The following MED24 variants were observed in gnomAD, a reference collection of about 807,000 sequenced individuals.
The protein encoded by MED24 is mediator complex subunit 24, also known as mediator of RNA polymerase II transcription subunit 24.
A neutral mutation model predicts 118.8 loss-of-function variants in MED24; 74 were observed. The observed-to-expected ratio is 0.62, with a 90% confidence interval of 0.52 to 0.76. The LOEUF (loss-of-function observed/expected upper bound fraction) is 0.76. Ranked by LOEUF, MED24 falls within the 30% of genes least tolerant of loss-of-function variation. The pLI is 0.00. For missense variants in MED24, 1,041 were observed against 1,278.9 expected, an observed-to-expected ratio of 0.81 and a Z score of 2.84; for synonymous variants, 521 against 523.9, an observed-to-expected ratio of 0.99 and a Z score of 0.08.
intron 14 of MED24, among the ~76,000 whole-genome samples, chr17:40,028,570 G>A (rs945167077): frequency 6.6e-6 from 1 of 152,162 alleles, no homozygotes; most frequent in African/African-American, 2.4e-5. Flanking sequence ...ATTCCTCCAT[G>A]CCCAATGTTC....
chr17:40,027,480 G>T lies in MED24; in HGVS notation c.1448-15C>A. 1 of 1,604,760 alleles carries T rather than the reference G, an allele frequency of 6.2e-7. No individual in the cohort carries two copies. The highest frequency in any genetic ancestry group is 8.5e-7 in the Non-Finnish European group (1 of 1,175,392). On this transcript the variant is annotated splice_polypyrimidine_tract_variant and intron_variant, in intron 15 of 25. Coordinates refer to ENST00000394128, the MANE Select transcript of MED24 (RefSeq NM_014815.4). ...GGCCGGTTTGGCTGTGGAAGGACGGGAAGGCTGAGCTCCCAGACGAGGGCA... is the reference window on the plus strand; with the variant it reads ...GGCCGGTTTGGCTGTGGAAGGACGGTAAGGCTGAGCTCCCAGACGAGGGCA...
chr17:40,028,039 G>C (rs1982910409), intron 14 of MED24, 93 bp from the exon 15 acceptor site: 1 of 1,282,346 alleles, frequency 7.8e-7, no homozygotes. Flanking sequence ...GCGATAGCTA[G>C]AGTCTGAGTT....
rs1982257569 is a variant in MED24 at position 40,023,291 on chromosome 17, T to C, written c.2090A>G (p.Tyr697Cys). The C allele has an allele frequency of 6.2e-7, 1 of 1,614,112 alleles. No homozygotes were observed. Among genetic ancestry groups the C allele is most frequent in the Non-Finnish European group, 8.5e-7 (1 of 1,179,998 alleles). ...CCGCTTGGGGGGCAGCAGGTTCCAG[T>C]AGGGCATTGTGTCCACCCCGGTGGA... is the stretch of plus-strand genomic sequence containing the variant. The part of the protein sequence containing the change: ...FPSTGVDTMP[Y>C]WNLLPPKRPI... The change falls in exon 20 of 26, where the codon TAC (tyrosine) becomes TGC (cysteine). Residue 697 changes from tyrosine to cysteine, a missense_variant. Physicochemically the swap from Tyr to Cys is radical, Grantham distance 194. Around this residue, in one of 3 missense-constraint regions of MED24, gnomAD observed 587 missense variants for 694.4 expected, o/e 0.85. Transcript: ENST00000394128.
At chr17:40,032,250 G>T (rs1194974840) in intron 9 of MED24, 160 bp from the exon 10 acceptor site, 3 of 800,858 alleles carry the variant, frequency 3.7e-6, no homozygotes, top group Non-Finnish European at 5.9e-6. Flanking sequence ...AAAGCCAATA[G>T]GTGCCCAGGC....
chr17:40,019,616 C>T lies in MED24; in HGVS notation c.2883G>A (p.Met961Ile). ...TGGCCAGAACCACCTTGGGGCTGGA[C>T]ATGGCTGACACCTTCACCAGTTCCG... ...TVSELVKVSAMSSPKVVLAIT... is the reference protein window; with the variant it reads ...TVSELVKVSAISSPKVVLAIT... Residue 961 changes from methionine to isoleucine, a missense_variant, in exon 26 of 26, where the codon ATG (methionine) becomes ATA (isoleucine). This residue lies in a region of MED24 where 587 missense variants were observed against 694.4 expected (regional missense o/e 0.85). Transcript: ENST00000394128. The T allele has an allele frequency of 6.2e-7, 1 of 1,604,540 alleles. No homozygotes were observed.
chr17:40,020,413 C>T (rs1981828031), intron 23 of MED24, 60 bp from the exon 24 acceptor site: 7 of 1,554,186 alleles, frequency 4.5e-6, no homozygotes, highest in Non-Finnish European at 6.1e-6. Flanking sequence ...AAGTGGTGCT[C>T]CCCGGGGATG....
In MED24 at chr17:40,027,652, C is replaced by G. The variant is rs929618921; in HGVS notation, c.1448-187G>C. ...CATCCCTTCCTTGAGACCAAAGACC[C>G]CCAGCACCCTCTCCTGGCATACCTA... On this transcript the variant is annotated intron_variant, in intron 15 of 25. Transcript: ENST00000394128. 4 of 672,874 alleles carry G rather than the reference C, an allele frequency of 5.9e-6. No homozygotes were observed. In the African/African-American group the frequency reaches 7.2e-5, roughly 12 times the overall value. 41.7% of individuals were successfully genotyped at this position (672,874 alleles called of 1,614,324 possible).
chr17:40,037,374 G>C (rs1568168503), intron 3 of MED24, among the ~76,000 whole-genome samples: 1 of 152,072 alleles, frequency 6.6e-6, no homozygotes, highest in Admixed American at 6.6e-5. Context: ...CCCTTCCTCT[G>C]TGCTCCAAGT....
At chr17:40,031,672 TC>T (rs1983396613) in intron 10 of MED24, 52 bp from the exon 11 acceptor site, 1 of 1,526,098 alleles carries the variant, frequency 6.6e-7, no homozygotes, top group Non-Finnish European at 9.1e-7. Context: ...CAGGCCCTGA[TC>T]ATCTCAGGCA....
chr17:40,031,103 G>A (rs1031062581), intron 12 of MED24, 56 bp downstream of exon 12: 16 of 1,504,222 alleles, frequency 1.1e-5, no homozygotes, highest in Middle Eastern at 1.7e-4. Context: ...CAGCCCCACC[G>A]TAACAAGAGA....
intron 3 of MED24, among the ~76,000 whole-genome samples, chr17:40,047,665 AAAAAAAAC>A (rs936998666): frequency 6.6e-6 from 1 of 150,564 alleles, no homozygotes; most frequent in Non-Finnish European, 1.5e-5. Context: ...CCATCTCATA[AAAAAAAAC>A]AAAAAAACAA....
intron 19 of MED24, among the ~76,000 whole-genome samples, chr17:40,025,850 C>T (rs1012684630): frequency 4.6e-5 from 7 of 152,250 alleles, no homozygotes; most frequent in South Asian, 4.2e-4. Context: ...GTTCCTAGCT[C>T]CTAGACAGTC....
intron 19 of MED24, among the ~76,000 whole-genome samples, chr17:40,024,893 T>A (rs750721981): frequency 1.3e-5 from 2 of 151,882 alleles, no homozygotes; most frequent in Non-Finnish European, 2.9e-5. Flanking sequence ...CTGCCACCAC[T>A]CCCTGCTCAT....
At chr17:40,032,993 T>C in intron 8 of MED24, 63 bp downstream of exon 8, 1 of 1,595,354 alleles carries the variant, frequency 6.3e-7, no homozygotes, top group African/African-American at 1.3e-5. Flanking sequence ...AGAAGAATCC[T>C]CCCTCCTGCC....
chr17:40,029,092 T>C, intron 13 of MED24, 124 bp from the exon 14 acceptor site: 3 of 1,340,230 alleles, frequency 2.2e-6, no homozygotes, highest in Non-Finnish European at 3.1e-6. Context: ...GACTTCAATC[T>C]GGAAAATCAT....
At chr17:40,027,236 CGGACTCCAGCCCGGGTG>C in intron 16 of MED24, 130 bp downstream of exon 16, 1 of 1,109,710 alleles carries the variant, frequency 9.0e-7, no homozygotes, top group Non-Finnish European at 1.3e-6. Context: ...GGTGCCTCTA[CGGACTCCAGCCCGGGTG>C]GGCACCTGGT....
At position 40,027,470 on chromosome 17, in the gene MED24, G is replaced by A; in HGVS notation, c.1448-5C>T. 1 of 1,607,026 alleles carries A rather than the reference G, an allele frequency of 6.2e-7. No homozygotes were observed. The highest frequency in any genetic ancestry group is 8.5e-7 in the Non-Finnish European group (1 of 1,176,608). On this transcript the variant is annotated splice_polypyrimidine_tract_variant and splice_region_variant and intron_variant, in intron 15 of 25. Transcript: ENST00000394128. ...CCCGGACGGAGGCCGGTTTGGCTGT[G>A]GAAGGACGGGAAGGCTGAGCTCCCA...
At position 40,030,457 on chromosome 17, in the gene MED24, G is replaced by A. The variant is rs75290383; in HGVS notation, c.1155-598C>T. On this transcript the variant is annotated intron_variant, in intron 12 of 25. Coordinates refer to ENST00000394128, the MANE Select transcript of MED24 (RefSeq NM_014815.4). ...ATTACAGGTGCATACCATCGCGCCT[G>A]ATTAATTTTTGTATTTTTAGTAGAG... Among the ~76,000 whole-genome samples, 900 of 151,628 alleles carry A rather than the reference G, an allele frequency of 5.9e-3. 11 individuals carry two copies. The highest frequency in any genetic ancestry group is 0.021 in the African/African-American group (849 of 41,306).
chr17:40,031,454 C>T lies in MED24; in HGVS notation c.1067+84G>A, dbSNP rs573806223. On this transcript the variant is annotated intron_variant, in intron 11 of 25. Coordinates refer to ENST00000394128, the MANE Select transcript of MED24 (RefSeq NM_014815.4). ...GGGGAGTGAACAAGGAGACAGAGTC[C>T]CCTGAGGCTTCTCTGGCACAGAGAT... is the stretch of plus-strand genomic sequence containing the variant. The T allele has an allele frequency of 8.6e-6, 12 of 1,403,098 alleles. No homozygotes were observed. In the East Asian group the frequency reaches 2.5e-4, roughly 29 times the overall value. 86.9% of individuals were successfully genotyped at this position (1,403,098 alleles called of 1,614,324 possible).
Sources: allele counts gnomAD v4.1 joint callset (sites outside exome capture counted in the v4.1 genomes callset), GRCh38; gene constraint gnomAD v4.1.1; regional missense constraint gnomAD v4.1.1; transcripts MANE v1.5; gene names NCBI Gene and HGNC (gene_info 2026-07-23, HGNC 2026-07-21).